The following COL6A6 variants were observed in gnomAD, a reference collection of about 807,000 sequenced individuals.
The protein encoded by COL6A6 is collagen type VI alpha 6 chain.
Under a neutral mutation model 208.6 loss-of-function variants are expected in COL6A6, and 183 were observed. The ratio of observed to expected loss-of-function variants is 0.88; its 90% CI spans 0.78 to 0.99. The LOEUF (loss-of-function observed/expected upper bound fraction) is 0.99, where lower values mean the gene tolerates loss of function less well. Among genes scored for constraint, COL6A6 ranks in the 50% least tolerant of loss-of-function variants. COL6A6 has a pLI of 0.00. For missense variants in COL6A6, 2,816 were observed against 2,815.2 expected (o/e 1.00, Z -0.01); for synonymous variants, 973 against 1,011.8 (o/e 0.96, Z 0.73).
In COL6A6 at chr3:130,563,500, T is replaced by A. The variant is rs78862326; in HGVS notation, c.497T>A (p.Val166Glu). 193 of 1,613,950 alleles carry A rather than the reference T, an allele frequency of 1.2e-4. 2 individuals carry two copies. The African/African-American group carries it at 2.3e-3, about 19-fold the overall frequency. Residue 166 changes from valine to glutamate, a missense_variant, in exon 3 of 37, where the codon GTG becomes GAG. Coordinates refer to ENST00000358511, the MANE Select transcript of COL6A6 (RefSeq NM_001102608.3). ...KDGVKIISVG[V>E]QKASEENLKA... is the part of the protein sequence containing the mutation. ...GGAGTGAAAATCATCTCTGTAGGGGTGCAGAAAGCTTCTGAGGAAAACCTG... is the reference window on the plus strand; with the variant it reads ...GGAGTGAAAATCATCTCTGTAGGGGAGCAGAAAGCTTCTGAGGAAAACCTG...
intron 26 of COL6A6, among the ~76,000 whole-genome samples, chr3:130,628,162 A>G (rs2064947337): frequency 1.3e-5 from 2 of 152,226 alleles, no homozygotes; most frequent in Admixed American, 1.3e-4. Context: ...ACCAAAAACT[A>G]GAACTATTTG....
chr3:130,598,034 G>A (rs72994345), intron 18 of COL6A6, among the ~76,000 whole-genome samples: 2,365 of 152,264 alleles, frequency 0.016, 76 homozygotes, highest in African/African-American at 0.054. Context: ...AAGAGAAGGG[G>A]TGGCAGTAAC....
intron 28 of COL6A6, among the ~76,000 whole-genome samples, chr3:130,638,070 G>A (rs530989852): frequency 6.6e-6 from 1 of 151,848 alleles, no homozygotes; most frequent in Non-Finnish European, 1.5e-5. Flanking sequence ...GGGAAAAAAA[G>A]GAGTCAAAAT....
chr3:130,579,383 G>C (rs1198781301), intron 8 of COL6A6, among the ~76,000 whole-genome samples: 1 of 152,162 alleles, frequency 6.6e-6, no homozygotes, highest in East Asian at 1.9e-4. Flanking sequence ...AATGCCCAGA[G>C]AGGATAAGAG....
chr3:130,670,947 C>T (rs773399006), intron 36 of COL6A6, among the ~76,000 whole-genome samples: 7 of 152,258 alleles, frequency 4.6e-5, no homozygotes, highest in Admixed American at 1.3e-4. Flanking sequence ...CTTCCAGTGT[C>T]GCCCAGGGAA....
intron 24 of COL6A6, among the ~76,000 whole-genome samples, chr3:130,623,247 C>T (rs964497353): frequency 2.6e-5 from 4 of 152,102 alleles, no homozygotes; most frequent in South Asian, 2.1e-4. Flanking sequence ...CACTTGAGGT[C>T]GGGAGTTCCA....
intron 26 of COL6A6, among the ~76,000 whole-genome samples, chr3:130,634,243 A>T (rs1331734905): frequency 1.2e-4 from 5 of 41,790 alleles, no homozygotes; most frequent in African/African-American, 5.3e-4. Context: ...ATAAATAAAT[A>T]AAAAAAAAAA....
upstream of COL6A6, among the ~76,000 whole-genome samples, chr3:130,517,076 C>T (rs555046889): frequency 2.1e-3 from 324 of 152,338 alleles, 2 homozygotes; most frequent in African/African-American, 7.5e-3. Context: ...CTGCGCCCCC[C>T]TCCTGGGGGA....
intron 33 of COL6A6, among the ~76,000 whole-genome samples, chr3:130,652,856 T>C (rs1008721844): frequency 3.9e-5 from 6 of 152,242 alleles, no homozygotes; most frequent in Non-Finnish European, 5.9e-5. Context: ...CCAAGGCTTT[T>C]CTAAATCTTG....
intron 33 of COL6A6, among the ~76,000 whole-genome samples, chr3:130,653,726 C>G (rs1485332035): frequency 6.6e-6 from 1 of 152,164 alleles, no homozygotes; most frequent in Admixed American, 6.5e-5. Context: ...GCTAACTATA[C>G]TTATTCCAGT....
intron 1 of COL6A6, among the ~76,000 whole-genome samples, chr3:130,552,713 T>C (rs937446454): frequency 6.6e-6 from 1 of 152,264 alleles, no homozygotes; most frequent in Non-Finnish European, 1.5e-5. Context: ...CTGGTTATTA[T>C]GCAGACTTGT....
At chr3:130,599,859 T>G in intron 20 of COL6A6, 49 bp downstream of exon 20, 1 of 1,588,840 alleles carries the variant, frequency 6.3e-7, no homozygotes, top group South Asian at 1.1e-5. Flanking sequence ...TGGCTCATGT[T>G]GTGGTGAAAA....
intron 8 of COL6A6, among the ~76,000 whole-genome samples, chr3:130,576,911 T>C (rs564382179): frequency 8.5e-4 from 129 of 152,326 alleles, no homozygotes; most frequent in Non-Finnish European, 1.4e-3. Flanking sequence ...GCCTGAACAC[T>C]TGCTGTGCTT....
At chr3:130,593,530 C>T (rs2063773982) in intron 17 of COL6A6, among the ~76,000 whole-genome samples, 1 of 152,138 alleles carries the variant, frequency 6.6e-6, no homozygotes, top group Non-Finnish European at 1.5e-5. Flanking sequence ...CTAGCCATGA[C>T]CTTTTTATGC....
chr3:130,615,485 G>T (rs967442820), intron 23 of COL6A6, among the ~76,000 whole-genome samples: 4 of 152,112 alleles, frequency 2.6e-5, no homozygotes, highest in Admixed American at 6.6e-5. Flanking sequence ...GAGTATCTTT[G>T]TTAATTTCCT....
chr3:130,611,824 G>T (rs548686003), intron 23 of COL6A6, among the ~76,000 whole-genome samples: 1 of 152,260 alleles, frequency 6.6e-6, no homozygotes, highest in East Asian at 1.9e-4. Context: ...TACACGTGCA[G>T]GTTGGTTATG....
chr3:130,533,687 GT>G (rs2062159691), intron 1 of COL6A6, among the ~76,000 whole-genome samples: 1 of 152,124 alleles, frequency 6.6e-6, no homozygotes, highest in Non-Finnish European at 1.5e-5. Flanking sequence ...ATTGTTCCAA[GT>G]TTTGTTTTAA....
At chr3:130,531,936 T>G (rs1414150077) in intron 1 of COL6A6, among the ~76,000 whole-genome samples, 1 of 152,236 alleles carries the variant, frequency 6.6e-6, no homozygotes, top group Non-Finnish European at 1.5e-5. Context: ...CATGCCTTTT[T>G]CTGGTATAGA....
intron 3 of COL6A6, among the ~76,000 whole-genome samples, chr3:130,564,060 T>A (rs897829093): frequency 1.3e-5 from 2 of 152,234 alleles, no homozygotes; most frequent in African/African-American, 4.8e-5. Context: ...AATCATAGAA[T>A]GTTAGACCTA....
Sources: allele counts gnomAD v4.1 joint callset (sites outside exome capture counted in the v4.1 genomes callset), GRCh38; gene constraint gnomAD v4.1.1; transcripts MANE v1.5; gene names NCBI Gene and HGNC (gene_info 2026-07-23, HGNC 2026-07-21).